KAZN: variants seen among roughly 807,000 people sequenced by gnomAD.
KAZN encodes the protein kazrin.
In KAZN, 40 loss-of-function variants were observed where a neutral mutation model predicts 87.4. The observed-to-expected ratio is 0.46, with a 90% CI of 0.36 to 0.60. The LOEUF is 0.60. Among genes scored for constraint, KAZN ranks in the 20% least tolerant of loss-of-function variants. The pLI, the probability that KAZN is intolerant of heterozygous loss-of-function variation, is 0.00. For missense variants in KAZN, 898 were observed against 1,073.9 expected, an observed-to-expected ratio of 0.84 and a Z score of 2.29; for synonymous variants, 466 against 458.3, an observed-to-expected ratio of 1.02 and a Z score of -0.22.
At chr1:14,255,204 G>C (rs544070977) in intron 2 of KAZN, among the ~76,000 whole-genome samples, 4 of 151,668 alleles carry the variant, frequency 2.6e-5, no homozygotes, top group Non-Finnish European at 5.9e-5. Context: ...GAGAGAGGGA[G>C]TTGGGGGGCG....
intron 2 of KAZN, among the ~76,000 whole-genome samples, chr1:14,326,100 T>A (rs998744440): frequency 1.3e-5 from 2 of 152,186 alleles, no homozygotes; most frequent in Admixed American, 1.3e-4. Context: ...TCCATCAAAC[T>A]GCTTAATTGA....
chr1:14,554,330 C>G (rs894595658), intron 2 of KAZN, among the ~76,000 whole-genome samples: 1 of 152,136 alleles, frequency 6.6e-6, no homozygotes, highest in African/African-American at 2.4e-5. Context: ...TAAACTGCAC[C>G]CCTGTATCAC....
At chr1:14,919,791 T>C (rs1283126871) in intron 1 of KAZN, among the ~76,000 whole-genome samples, 3 of 152,222 alleles carry the variant, frequency 2.0e-5, no homozygotes, top group Non-Finnish European at 2.9e-5. Context: ...AGTTTTTCTG[T>C]TGAGATATGT....
At chr1:14,398,155 A>G (rs1348361324) in intron 2 of KAZN, among the ~76,000 whole-genome samples, 5 of 152,178 alleles carry the variant, frequency 3.3e-5, no homozygotes, top group African/African-American at 1.2e-4. Context: ...GAGTTAAATG[A>G]TTCTGGTTTT....
intron 1 of KAZN, among the ~76,000 whole-genome samples, chr1:14,089,561 C>A (rs920028955): frequency 6.6e-6 from 1 of 152,122 alleles, no homozygotes; most frequent in African/African-American, 2.4e-5. Context: ...ACTATACTTT[C>A]ATTTCCTCCC....
At chr1:14,295,181 C>A (rs934849180) in intron 2 of KAZN, among the ~76,000 whole-genome samples, 7 of 152,288 alleles carry the variant, frequency 4.6e-5, no homozygotes, top group African/African-American at 1.4e-4. Flanking sequence ...TTCCCCCAAC[C>A]CTTACTGTAA....
intron 2 of KAZN, among the ~76,000 whole-genome samples, chr1:14,553,382 A>T (rs1673664868): frequency 6.6e-6 from 1 of 152,152 alleles, no homozygotes; most frequent in South Asian, 2.1e-4. Flanking sequence ...ATAGATTTTG[A>T]TATGCAATCT....
intron 11 of KAZN, among the ~76,000 whole-genome samples, chr1:15,102,036 G>A (rs1280014518): frequency 6.6e-6 from 1 of 152,100 alleles, no homozygotes. Context: ...CGGGCCAGGC[G>A]CTGTGCTCAG....
chr1:13,984,201 G>A (rs577041901), intron 1 of KAZN, among the ~76,000 whole-genome samples: 3 of 152,074 alleles, frequency 2.0e-5, no homozygotes, highest in Non-Finnish European at 2.9e-5. Context: ...TGGTAGAGAC[G>A]GGGTTTCACT....
intron 1 of KAZN, among the ~76,000 whole-genome samples, chr1:13,908,892 C>T (rs531877374): frequency 3.3e-5 from 5 of 152,236 alleles, no homozygotes; most frequent in African/African-American, 9.6e-5. Context: ...AGCTGGAGAA[C>T]ATAAAATAAA....
At chr1:14,602,171 A>C (rs1677029776) in intron 1 of KAZN, among the ~76,000 whole-genome samples, 1 of 152,184 alleles carries the variant, frequency 6.6e-6, no homozygotes, top group Non-Finnish European at 1.5e-5. Context: ...TTTAAACAAA[A>C]TATTAACTTG....
chr1:14,301,861 G>T (rs946470259), intron 2 of KAZN, among the ~76,000 whole-genome samples: 2 of 152,048 alleles, frequency 1.3e-5, no homozygotes, highest in African/African-American at 4.8e-5. Context: ...GGCCTTCCTT[G>T]ACTACTCTAC....
chr1:13,988,085 T>C (rs6678410), intron 1 of KAZN, among the ~76,000 whole-genome samples: 137,875 of 152,236 alleles, frequency 0.91, 62,746 homozygotes, highest in African/African-American at 0.96. Context: ...CTATTGTACT[T>C]CACCTTCAAA....
chr1:14,047,315 C>G (rs1642118415), intron 1 of KAZN, among the ~76,000 whole-genome samples: 1 of 152,194 alleles, frequency 6.6e-6, no homozygotes, highest in Admixed American at 6.5e-5. Flanking sequence ...CTAATCTCAG[C>G]CATATGCTTA....
At chr1:14,174,272 C>G (rs559880495) in intron 1 of KAZN, among the ~76,000 whole-genome samples, 3 of 152,220 alleles carry the variant, frequency 2.0e-5, no homozygotes, top group South Asian at 4.2e-4. Context: ...GGAGACTGTC[C>G]AGAGGTGCAG....
chr1:14,612,155 TA>T, intron 1 of KAZN, among the ~76,000 whole-genome samples: 1 of 152,310 alleles, frequency 6.6e-6, no homozygotes, highest in South Asian at 2.1e-4. Context: ...GCAATAAAAC[TA>T]CTAGATTATA....
At chr1:14,699,395 T>A (rs937606218) in intron 1 of KAZN, among the ~76,000 whole-genome samples, 2 of 152,056 alleles carry the variant, frequency 1.3e-5, no homozygotes, top group African/African-American at 4.8e-5. Context: ...AGTGATACTC[T>A]GTGTTCATTT....
intron 2 of KAZN, among the ~76,000 whole-genome samples, chr1:14,298,915 C>T (rs1321760369): frequency 6.6e-6 from 1 of 152,186 alleles, no homozygotes; most frequent in Non-Finnish European, 1.5e-5. Flanking sequence ...CTTGCTTTAC[C>T]TAGAGGAAGT....
At chr1:14,801,594 A>G (rs965274719) in intron 1 of KAZN, among the ~76,000 whole-genome samples, 1 of 152,124 alleles carries the variant, frequency 6.6e-6, no homozygotes, top group Non-Finnish European at 1.5e-5. Flanking sequence ...CAGGAGGGCT[A>G]TGACGGCCTG....
Sources: gnomAD v4.1 joint callset for allele counts (sites outside exome capture counted in the v4.1 genomes callset) on GRCh38, gnomAD v4.1.1 for gene constraint, MANE v1.5 for transcripts, NCBI Gene and HGNC (gene_info 2026-07-23, HGNC 2026-07-21) for gene names.